Variants in NCOA2 observed in about 807,000 individuals in gnomAD.
NCOA2 encodes the protein nuclear receptor coactivator 2.
In NCOA2, 21 loss-of-function variants were observed where a neutral mutation model predicts 145.1. That is an observed-to-expected ratio of 0.14 (90% confidence interval 0.10 to 0.21). The LOEUF is 0.21. Ranked by LOEUF, NCOA2 falls within the 10% of genes least tolerant of loss-of-function variation. The pLI is 1.00. For synonymous variants in NCOA2, 619 were observed against 637.5 expected, an observed-to-expected ratio of 0.97 and a Z score of 0.44; for missense variants, 1,472 against 1,837.6, an observed-to-expected ratio of 0.80 and a Z score of 3.64.
the NCOA2 span, among the ~76,000 whole-genome samples, chr8:70,431,489 G>GTTTGCT: frequency 5.3e-5 from 8 of 152,308 alleles, no homozygotes; most frequent in Non-Finnish European, 8.8e-5. Flanking sequence ...CCACAAAGGT[G>GTTTGCT]TTTGCTTTTG....
At chr8:70,169,515 C>A (rs1240582688) in intron 6 of NCOA2, among the ~76,000 whole-genome samples, 1 of 152,214 alleles carries the variant, frequency 6.6e-6, no homozygotes, top group Non-Finnish European at 1.5e-5. Context: ...GAATCTCAAA[C>A]TTCTCATGAC....
At chr8:70,326,006 ACTC>A (rs1806523964) in intron 1 of NCOA2, among the ~76,000 whole-genome samples, 1 of 152,004 alleles carries the variant, frequency 6.6e-6, no homozygotes. Flanking sequence ...AGCCTGCACT[ACTC>A]CTCACCTCTT....
intron 1 of NCOA2, among the ~76,000 whole-genome samples, chr8:70,358,175 G>A (rs1809903012): frequency 6.6e-6 from 1 of 152,086 alleles, no homozygotes; most frequent in African/African-American, 2.4e-5. Context: ...CTGTTAAAAT[G>A]GTAATAATAC....
intron 2 of NCOA2, among the ~76,000 whole-genome samples, chr8:70,266,068 T>C (rs1247137543): frequency 2.0e-5 from 3 of 152,198 alleles, no homozygotes; most frequent in African/African-American, 7.2e-5. Context: ...GAGAATTGCT[T>C]GAACCCAGGA....
intron 1 of NCOA2, among the ~76,000 whole-genome samples, chr8:70,353,392 G>C (rs1295771411): frequency 6.7e-6 from 1 of 150,212 alleles, no homozygotes; most frequent in African/African-American, 2.5e-5. Context: ...TGGGATTAAA[G>C]GGGGGTGCCA....
chr8:70,300,443 A>C (rs1586418293), intron 1 of NCOA2, among the ~76,000 whole-genome samples: 1 of 152,278 alleles, frequency 6.6e-6, no homozygotes, highest in East Asian at 1.9e-4. Context: ...CTAAGGGTAA[A>C]GGTAGTTCTA....
At chr8:70,143,523 C>T (rs1352973759) in intron 13 of NCOA2, among the ~76,000 whole-genome samples, 2 of 151,894 alleles carry the variant, frequency 1.3e-5, no homozygotes, top group Non-Finnish European at 2.9e-5. Flanking sequence ...ATGAATATGA[C>T]TATATAATTA....
chr8:70,202,728 A>G (rs1818020373), intron 4 of NCOA2, among the ~76,000 whole-genome samples: 1 of 152,236 alleles, frequency 6.6e-6, no homozygotes, highest in Admixed American at 6.5e-5. Flanking sequence ...AGTTTTACTC[A>G]TGCAAGATGA....
chr8:70,454,093 A>G, the NCOA2 span, among the ~76,000 whole-genome samples: 1 of 152,230 alleles, frequency 6.6e-6, no homozygotes, highest in Non-Finnish European at 1.5e-5. Context: ...TTTGCTTTAT[A>G]TAATTGTAAT....
the NCOA2 span, among the ~76,000 whole-genome samples, chr8:70,444,333 G>T: frequency 6.6e-6 from 1 of 152,234 alleles, no homozygotes; most frequent in Non-Finnish European, 1.5e-5. Context: ...GTTGCCAGAG[G>T]TTAGGGAGTG....
intron 1 of NCOA2, among the ~76,000 whole-genome samples, chr8:70,400,798 A>T (rs1052667267): frequency 3.9e-5 from 6 of 152,338 alleles, no homozygotes; most frequent in Middle Eastern, 3.4e-3. Flanking sequence ...CACATTTGTA[A>T]GATTTGGCAA....
intron 1 of NCOA2, among the ~76,000 whole-genome samples, chr8:70,385,734 C>T (rs1812600228): frequency 6.6e-6 from 1 of 152,216 alleles, no homozygotes; most frequent in African/African-American, 2.4e-5. Flanking sequence ...GCCAAGACCT[C>T]CAAATTTTGC....
At chr8:70,326,650 C>G (rs1207327217) in intron 1 of NCOA2, among the ~76,000 whole-genome samples, 2 of 152,068 alleles carry the variant, frequency 1.3e-5, no homozygotes, top group African/African-American at 4.8e-5. Context: ...TGGTCACGGC[C>G]TCCAGTGATC....
intron 2 of NCOA2, among the ~76,000 whole-genome samples, chr8:70,240,477 G>A (rs1380971736): frequency 2.6e-5 from 4 of 152,170 alleles, no homozygotes; most frequent in South Asian, 4.2e-4. Context: ...ATACTGTAAA[G>A]CAATTATCTT....
chr8:70,303,823 T>C (rs1203774786), intron 1 of NCOA2, among the ~76,000 whole-genome samples: 1 of 151,952 alleles, frequency 6.6e-6, no homozygotes, highest in Non-Finnish European at 1.5e-5. Flanking sequence ...TGGGCAGAAA[T>C]TAATCTTTCT....
chr8:70,251,547 A>T (rs1823180282), intron 2 of NCOA2, among the ~76,000 whole-genome samples: 1 of 152,238 alleles, frequency 6.6e-6, no homozygotes, highest in South Asian at 2.1e-4. Flanking sequence ...TACTCCTTGA[A>T]GTCAGTGGAG....
chr8:70,128,282 A>G (rs1808669584), intron 18 of NCOA2, 151 bp downstream of exon 18: 2 of 645,234 alleles, frequency 3.1e-6, no homozygotes, highest in African/African-American at 1.8e-5. Flanking sequence ...AGGGAAAAAT[A>G]TAACACACTA....
At chr8:70,395,421 A>G (rs1197072243) in intron 1 of NCOA2, among the ~76,000 whole-genome samples, 1 of 152,236 alleles carries the variant, frequency 6.6e-6, no homozygotes, top group Non-Finnish European at 1.5e-5. Context: ...GCCTGTCTCC[A>G]TAACTACAAC....
intron 16 of NCOA2, 26 bp downstream of exon 16, chr8:70,131,811 C>G (rs767786580): frequency 2.9e-5 from 46 of 1,567,904 alleles, no homozygotes; most frequent in Non-Finnish European, 4.3e-6. Flanking sequence ...GCGCTTGGCC[C>G]CCACCTGCTG....
Sources: allele counts gnomAD v4.1 joint callset (sites outside exome capture counted in the v4.1 genomes callset), GRCh38; gene constraint gnomAD v4.1.1; transcripts MANE v1.5; gene names NCBI Gene and HGNC (gene_info 2026-07-23, HGNC 2026-07-21).